RGS6: variants seen among roughly 807,000 people sequenced by gnomAD.
The protein encoded by RGS6 is regulator of G protein signaling 6, also known as regulator of G-protein signaling 6.
A neutral mutation model predicts 78.5 loss-of-function variants in RGS6; 30 were observed. The observed-to-expected ratio is 0.38, with a 90% CI of 0.29 to 0.52. RGS6 has a LOEUF of 0.52. Among genes scored for constraint, RGS6 ranks in the 20% least tolerant of loss-of-function variants. The pLI is 0.85. For missense variants in RGS6, 495 were observed against 609.7 expected (o/e 0.81, Z 1.98); for synonymous variants, 206 against 206.0 (o/e 1.00, Z 0.00).
chr14:72,217,421 A>G (rs1483486014), intron 2 of RGS6, among the ~76,000 whole-genome samples: 2 of 152,236 alleles, frequency 1.3e-5, no homozygotes, highest in African/African-American at 2.4e-5. Context: ...GACCTCTAGC[A>G]TGAGAATCTC....
chr14:72,537,230 C>A (rs1281127061), intron 16 of RGS6, among the ~76,000 whole-genome samples: 1 of 152,200 alleles, frequency 6.6e-6, no homozygotes, highest in Admixed American at 6.5e-5. Flanking sequence ...TCCTGGACTC[C>A]CAGCCCCAGG....
rs191312106 is a variant in RGS6 at position 72,181,516 on chromosome 14, G to A, written c.85-170579G>A. 2.1e-4 allele frequency among the ~76,000 whole-genome samples: 32 copies of A among 152,328 alleles called. No individual in the cohort carries two copies. In the East Asian group the frequency reaches 5.4e-3, roughly 26 times the overall value. The stretch of plus-strand genomic sequence containing the variant: ...CTGAATTGACACTGCTGTTATTTGA[G>A]CCTTCAGGTGTAGGGACTTGGAGCA... On this transcript the variant is annotated intron_variant, in intron 2 of 17. Coordinates refer to ENST00000553525, the MANE Select transcript of RGS6 (RefSeq NM_001204424.2).
chr14:72,262,356 C>A lies in RGS6; in HGVS notation c.85-89739C>A, dbSNP rs146488618. ...AAGATCAAGGTGGAGGCCTCTCTTC[C>A]TGGTTTGCAGAATCCCACCTTCTCA... On this transcript the variant is annotated intron_variant, in intron 2 of 17. Coordinates refer to ENST00000553525, the MANE Select transcript of RGS6 (RefSeq NM_001204424.2). Among the ~76,000 whole-genome samples the A allele has an allele frequency of 6.4e-3, 980 of 152,340 alleles. 7 individuals are homozygous for A. The highest frequency in any genetic ancestry group is 0.018 in the South Asian group (85 of 4,830).
At chr14:72,035,998 A>T (rs2091641479) in intron 2 of RGS6, among the ~76,000 whole-genome samples, 1 of 152,084 alleles carries the variant, frequency 6.6e-6, no homozygotes, top group Non-Finnish European at 1.5e-5. Context: ...GAACTCCCTC[A>T]TGTCATCCTT....
chr14:72,428,403 T>G (rs2094507363), intron 3 of RGS6, among the ~76,000 whole-genome samples: 1 of 152,040 alleles, frequency 6.6e-6, no homozygotes, highest in African/African-American at 2.4e-5. Flanking sequence ...AATGGACAGA[T>G]GTGAGGATTT....
chr14:72,040,760 CTTT>C (rs1305815303), intron 2 of RGS6, among the ~76,000 whole-genome samples: 2 of 151,990 alleles, frequency 1.3e-5, no homozygotes, highest in Non-Finnish European at 2.9e-5. Flanking sequence ...GTGTTTCTTT[CTTT>C]GTTTCTTTTT....
intron 2 of RGS6, among the ~76,000 whole-genome samples, chr14:72,106,597 C>T (rs2095637821): frequency 6.6e-6 from 1 of 152,212 alleles, no homozygotes; most frequent in African/African-American, 2.4e-5. Flanking sequence ...CTTGAGTTTT[C>T]CAGTAATTAC....
chr14:72,045,707 GA>G lies in RGS6; in HGVS notation c.84+80844del, dbSNP rs112053072. On this transcript the variant is annotated intron_variant, in intron 2 of 17. Coordinates refer to ENST00000553525, the MANE Select transcript of RGS6 (RefSeq NM_001204424.2). ...GTTTCTTAGCTTTTATTTTCTTAAA[GA>G]AAAAAAAAAAAGCTCCCATAATGAG... Among the ~76,000 whole-genome samples, 1,203 of 142,590 alleles carry G rather than the reference GA, an allele frequency of 8.4e-3. 17 individuals carry two copies. Among genetic ancestry groups the G allele is most frequent in the Admixed American group, 0.036 (510 of 14,328 alleles). The allele number at this position is 142,590 out of a possible 152,430, so 93.5% of individuals were successfully genotyped here.
rs566440692 is a variant in RGS6 at position 71,962,480 on chromosome 14, A to G, written c.-20-2292A>G. On this transcript the variant is annotated intron_variant, in intron 1 of 17. Transcript: ENST00000553525. ...ACATGAGTATATATAAATGAACTCA[A>G]TTTTTGTTTTCATGCTCTGTTGTAT... is the stretch of plus-strand genomic sequence containing the variant. Among the ~76,000 whole-genome samples, 3 of 152,354 alleles carry G rather than the reference A, an allele frequency of 2.0e-5. No homozygotes were observed. The East Asian group carries it at 5.8e-4, about 29-fold the overall frequency.
chr14:72,576,114 T>C, the RGS6 span, among the ~76,000 whole-genome samples: 2 of 152,250 alleles, frequency 1.3e-5, no homozygotes, highest in African/African-American at 4.8e-5. Flanking sequence ...CAAATTCGCA[T>C]CTCCTTGAAT....
chr14:71,891,357 G>A, the RGS6 span, among the ~76,000 whole-genome samples: 7 of 152,176 alleles, frequency 4.6e-5, no homozygotes, highest in Non-Finnish European at 7.3e-5. Context: ...GCAGAAACAA[G>A]GTGGCTCCTC....
At chr14:72,182,801 G>T (rs1022972170) in intron 2 of RGS6, among the ~76,000 whole-genome samples, 23 of 152,192 alleles carry the variant, frequency 1.5e-4, no homozygotes, top group African/African-American at 5.1e-4. Context: ...ACTGTTTTTG[G>T]TTAAAGGTTT....
intron 2 of RGS6, among the ~76,000 whole-genome samples, chr14:72,014,726 T>C (rs2086595863): frequency 1.3e-5 from 2 of 152,352 alleles, no homozygotes; most frequent in Non-Finnish European, 1.5e-5. Context: ...TAAACAGATG[T>C]TAACGTGCTG....
chr14:72,056,227 C>A (rs1012684124), intron 2 of RGS6, among the ~76,000 whole-genome samples: 1 of 152,186 alleles, frequency 6.6e-6, no homozygotes, highest in South Asian at 2.1e-4. Flanking sequence ...AAGCCTGCGC[C>A]GTGTCACAGA....
intron 2 of RGS6, among the ~76,000 whole-genome samples, chr14:72,023,977 A>C (rs576106956): frequency 6.6e-6 from 1 of 152,236 alleles, no homozygotes; most frequent in Admixed American, 6.5e-5. Context: ...GTATACCTCC[A>C]GCACTCAGAA....
chr14:72,076,871 GCTAT>G (rs2094592007), intron 2 of RGS6, among the ~76,000 whole-genome samples: 1 of 150,692 alleles, frequency 6.6e-6, no homozygotes, highest in African/African-American at 2.5e-5. Flanking sequence ...ATAAAATTTG[GCTAT>G]CTATAGTCAA....
At chr14:72,003,057 A>C (rs185988220) in intron 2 of RGS6, among the ~76,000 whole-genome samples, 1 of 152,350 alleles carries the variant, frequency 6.6e-6, no homozygotes, top group Non-Finnish European at 1.5e-5. Context: ...AGATACATAA[A>C]GTACAAATCA....
intron 2 of RGS6, among the ~76,000 whole-genome samples, chr14:72,055,662 A>C (rs777622751): frequency 6.6e-5 from 10 of 152,036 alleles, no homozygotes; most frequent in Non-Finnish European, 1.0e-4. Context: ...TTTTTTTTAA[A>C]TAAAAGCTTC....
At chr14:72,313,338 G>A (rs1359880974) in intron 2 of RGS6, among the ~76,000 whole-genome samples, 1 of 152,186 alleles carries the variant, frequency 6.6e-6, no homozygotes, top group East Asian at 1.9e-4. Flanking sequence ...TGAGCTCAGG[G>A]TCTTGTGCAA....
Sources: gnomAD v4.1 joint callset for allele counts (sites outside exome capture counted in the v4.1 genomes callset) on GRCh38, gnomAD v4.1.1 for gene constraint, MANE v1.5 for transcripts, NCBI Gene and HGNC (gene_info 2026-07-23, HGNC 2026-07-21) for gene names.